SAMM50: variants seen among roughly 807,000 people sequenced by gnomAD.
SAMM50 encodes the protein sorting and assembly machinery component 50 homolog.
SAMM50 carries 47 observed loss-of-function variants against 66.9 expected under a neutral mutation model. That is an observed-to-expected ratio of 0.70 (90% confidence interval 0.56 to 0.90). The LOEUF (loss-of-function observed/expected upper bound fraction) is 0.90. SAMM50 is among the 40% of genes least tolerant of loss of function. SAMM50 has a pLI of 0.00. For missense variants in SAMM50, 535 were observed against 595.3 expected, an observed-to-expected ratio of 0.90 and a Z score of 1.05; for synonymous variants, 191 against 214.1, an observed-to-expected ratio of 0.89 and a Z score of 0.94.
chr22:43,981,285 C>G, intron 10 of SAMM50, 106 bp from the exon 11 acceptor site: 1 of 872,400 alleles, frequency 1.1e-6, no homozygotes, highest in Non-Finnish European at 1.9e-6. Context: ...CATCGCGGAG[C>G]TCTGCACGCC....
chr22:43,974,562 A>T (rs1430629600), intron 7 of SAMM50: 1 of 152,310 alleles, frequency 6.6e-6, no homozygotes, highest in Non-Finnish European at 1.5e-5. Context: ...CAGGTTCAAG[A>T]TGGAGATAGG....
chr22:43,972,632 C>A (rs1003612807), intron 5 of SAMM50, among the ~76,000 whole-genome samples: 11 of 152,180 alleles, frequency 7.2e-5, no homozygotes, highest in African/African-American at 2.2e-4. Context: ...ATTCTTGAGC[C>A]TCACGGGTGG....
chr22:43,990,389 A>G lies in SAMM50; in HGVS notation c.1347A>G (p.Gly449=). The change falls in exon 14 of 15, where the codon GGA becomes GGG. Residue 449 remains glycine, a synonymous_variant. Coordinates refer to ENST00000350028, the MANE Select transcript of SAMM50 (RefSeq NM_015380.5). ...AACTTAATTACTGCGTCCCCATGGG[A>G]GTACAGACAGGCGACAGGTACGTGT... ...RLELNYCVPM[G]VQTGDRICDG... 1.2e-6 allele frequency: 2 copies of G among 1,614,108 alleles called. No individual in the cohort carries two copies. The highest frequency in any genetic ancestry group is 1.1e-5 in the South Asian group (1 of 91,082).
chr22:43,955,535 C>T lies in SAMM50; in HGVS notation c.-43C>T, dbSNP rs1165672661. On this transcript the variant is annotated 5_prime_UTR_variant, in exon 1 of 15. Transcript: ENST00000350028. ...CTGCCCTCAGCAGCAGACGCTCTGT[C>T]CCGCCCGGGCAGCTCTGCGAGGCAG... is the stretch of plus-strand genomic sequence containing the variant. 1 of 1,586,514 alleles carries T rather than the reference C, an allele frequency of 6.3e-7. No individual in the cohort carries two copies. The highest frequency in any genetic ancestry group is 8.6e-7 in the Non-Finnish European group (1 of 1,167,088).
In SAMM50 at chr22:43,969,883, G is replaced by A. The variant is rs1203856179; in HGVS notation, c.322+1065G>A. Among the ~76,000 whole-genome samples the A allele has an allele frequency of 3.3e-5, 5 of 152,134 alleles. No individual in the cohort carries two copies. In the South Asian group the frequency reaches 1.0e-3, roughly 31 times the overall value. Reference sequence around the variant, plus strand: ...GACCGTGGTGGGCCTAACATGGCGCGGTAGAGTTCCCACTTTAGTCAGAAT... The same window carrying A: ...GACCGTGGTGGGCCTAACATGGCGCAGTAGAGTTCCCACTTTAGTCAGAAT... On this transcript the variant is annotated intron_variant, in intron 4 of 14. Coordinates refer to ENST00000350028, the MANE Select transcript of SAMM50 (RefSeq NM_015380.5).
Position 43,978,097 on chromosome 22 carries a change from T to G in SAMM50, c.936+139T>G, listed in dbSNP as rs1459945791. 6.7e-6 allele frequency: 4 copies of G among 597,508 alleles called. No homozygotes were observed. The Admixed American group carries it at 1.2e-4, about 18-fold the overall frequency. The allele number at this position is 597,508 out of a possible 1,614,324, so 37.0% of individuals were successfully genotyped here. A position where few individuals can be genotyped will look rare whatever the true frequency, so the allele number is the denominator to read the frequency against. The stretch of plus-strand genomic sequence containing the variant: ...TGCTTAACCTTTGATGTTTCCAGTT[T>G]AGCCAGATTTGCAGGTAGTCTGGGG... On this transcript the variant is annotated intron_variant, in intron 10 of 14. Coordinates refer to ENST00000350028, the MANE Select transcript of SAMM50 (RefSeq NM_015380.5).
At chr22:43,970,938 G>A (rs1240763481) in intron 4 of SAMM50, among the ~76,000 whole-genome samples, 2 of 152,154 alleles carry the variant, frequency 1.3e-5, no homozygotes, top group African/African-American at 4.8e-5. Context: ...AAGCCAGGGC[G>A]GCTGGATCAT....
At chr22:43,994,337 T>C (rs2050341388) in intron 14 of SAMM50, among the ~76,000 whole-genome samples, 1 of 151,572 alleles carries the variant, frequency 6.6e-6, no homozygotes, top group Admixed American at 6.5e-5. Context: ...CTTTTTCCCC[T>C]TGGGTATATG....
chr22:43,976,004 A>G, intron 7 of SAMM50, 51 bp from the exon 8 acceptor site: 1 of 1,541,122 alleles, frequency 6.5e-7, no homozygotes, highest in Non-Finnish European at 8.8e-7. Context: ...GATTTGCAAC[A>G]AGTTCCTAAG....
At chr22:43,962,734 T>C (rs1057255081) in intron 1 of SAMM50, among the ~76,000 whole-genome samples, 2 of 152,136 alleles carry the variant, frequency 1.3e-5, no homozygotes, top group Admixed American at 6.6e-5. Context: ...ATTATTTTCC[T>C]TTTTTCCCCT....
At chr22:43,969,265 T>C (rs2050191335) in intron 4 of SAMM50, among the ~76,000 whole-genome samples, 1 of 152,166 alleles carries the variant, frequency 6.6e-6, no homozygotes, top group African/African-American at 2.4e-5. Flanking sequence ...CCCATCTCAG[T>C]GTATGCTTTA....
At chr22:43,989,324 C>G in intron 13 of SAMM50, 67 bp downstream of exon 13, 1 of 1,263,564 alleles carries the variant, frequency 7.9e-7, no homozygotes, top group South Asian at 1.3e-5. Context: ...GCACAGTACA[C>G]AAAGAGGTGT....
intron 7 of SAMM50, chr22:43,974,663 A>ATTT (rs2050221984): frequency 6.6e-6 from 1 of 152,036 alleles, no homozygotes; most frequent in Non-Finnish European, 1.5e-5. Flanking sequence ...CTGCTTTGAA[A>ATTT]CCGTCCTCGG....
At chr22:43,955,661 C>T in intron 1 of SAMM50, 63 bp downstream of exon 1, 1 of 1,505,714 alleles carries the variant, frequency 6.6e-7, no homozygotes, top group South Asian at 1.2e-5. Context: ...ACGGGCGCCG[C>T]GGGGAGACGC....
chr22:43,976,297 G>T, intron 8 of SAMM50, 114 bp downstream of exon 8: 2 of 1,284,768 alleles, frequency 1.6e-6, no homozygotes, highest in Non-Finnish European at 2.2e-6. Flanking sequence ...CCCAGATGGG[G>T]TGTCCACAGT....
chr22:43,984,998 C>T (rs377340204), intron 12 of SAMM50, among the ~76,000 whole-genome samples: 1 of 151,960 alleles, frequency 6.6e-6, no homozygotes, highest in Non-Finnish European at 1.5e-5. Context: ...TATTTTTATG[C>T]GAGTAAATGC....
At position 43,972,966 on chromosome 22, in the gene SAMM50, C is replaced by G. The variant is rs769682527; in HGVS notation, c.525C>G (p.Ser175=). ...YGTKETSYGL[S]FFKPRPGNFE... ...CAAAAGAAACTTCGTATGGCCTGTCCTTCTTCAAACCACGGCCCGGAAACT... is the reference window on the plus strand; with the variant it reads ...CAAAAGAAACTTCGTATGGCCTGTCGTTCTTCAAACCACGGCCCGGAAACT... Residue 175 remains serine, a synonymous_variant, in exon 6 of 15, where the codon TCC becomes TCG. Coordinates refer to ENST00000350028, the MANE Select transcript of SAMM50 (RefSeq NM_015380.5). 6.3e-7 allele frequency: 1 copy of G among 1,598,148 alleles called. No homozygotes were observed. The highest frequency in any genetic ancestry group is 1.2e-5 in the South Asian group (1 of 86,620).
At chr22:43,991,302 TC>T (rs2050323737) in intron 14 of SAMM50, among the ~76,000 whole-genome samples, 1 of 136,582 alleles carries the variant, frequency 7.3e-6, no homozygotes, top group African/African-American at 2.9e-5. Context: ...TTTTTGAGAC[TC>T]GGTCTTTCTC....
chr22:43,989,045 T>C, intron 12 of SAMM50, 66 bp from the exon 13 acceptor site: 1 of 1,531,420 alleles, frequency 6.5e-7, no homozygotes, highest in Non-Finnish European at 8.9e-7. Context: ...CTGTAAGTTG[T>C]GGAAAGTTAA....
Sources: gnomAD v4.1 joint callset for allele counts (sites outside exome capture counted in the v4.1 genomes callset) on GRCh38, gnomAD v4.1.1 for gene constraint, MANE v1.5 for transcripts, NCBI Gene and HGNC (gene_info 2026-07-23, HGNC 2026-07-21) for gene names.